MASTL: variants seen among roughly 807,000 people sequenced by gnomAD.
The protein encoded by MASTL is microtubule associated serine/threonine kinase like, also known as serine/threonine-protein kinase greatwall.
A neutral mutation model predicts 82.5 loss-of-function variants in MASTL; 54 were observed. That is an observed-to-expected ratio of 0.65 (90% CI 0.53 to 0.82). The LOEUF (loss-of-function observed/expected upper bound fraction) is 0.82, where lower values mean the gene tolerates loss of function less well. MASTL is among the 40% of genes least tolerant of loss of function. The pLI is 0.00. For synonymous variants in MASTL, 323 were observed against 368.9 expected (o/e 0.88, Z 1.43); for missense variants, 950 against 1,047.8 (o/e 0.91, Z 1.29).
rs894580589 is a variant in MASTL at position 27,159,364 on chromosome 10, C to G, written c.325-255C>G. 6.6e-5 allele frequency among the ~76,000 whole-genome samples: 10 copies of G among 152,174 alleles called. No individual in the cohort carries two copies. The highest frequency in any genetic ancestry group is 1.7e-4 in the African/African-American group (7 of 41,450). On this transcript the variant is annotated intron_variant, in intron 2 of 11. Transcript: ENST00000375940. The surrounding 1 kb of genome is among the most constrained non-coding windows in gnomAD (Gnocchi z 4.0). The stretch of plus-strand genomic sequence containing the variant: ...TCTCGAACTCCTGGCCTCAAGTGAT[C>G]TGCCCATCTTGGCCTCCCAAAGTGC...
chr10:27,167,249 G>T lies in MASTL; in HGVS notation c.959G>T (p.Ser320Ile). The change falls in exon 7 of 12, where the codon AGT (serine) becomes ATT (isoleucine). Residue 320 changes from serine to isoleucine, a missense_variant. Transcript: ENST00000375940. ...AGTGTGGAATCAGAATGCCACAGCA[G>T]TCCCAAATGGGAAAAAGATTGCCAG... ...ISSVESECHS[S>I]PKWEKDCQES... 1 of 1,614,068 alleles carries T rather than the reference G, an allele frequency of 6.2e-7. No individual in the cohort carries two copies. Among genetic ancestry groups the T allele is most frequent in the Non-Finnish European group, 8.5e-7 (1 of 1,179,952 alleles).
chr10:27,180,909 G>A lies in MASTL; in HGVS notation c.2267-44G>A, dbSNP rs150874238. The A allele has an allele frequency of 3.4e-4, 417 of 1,217,588 alleles. 2 individuals are homozygous for A. The African/African-American group carries it at 5.6e-3, about 16-fold the overall frequency. 75.4% of individuals were successfully genotyped at this position (1,217,588 alleles called of 1,614,324 possible). A position where few individuals can be genotyped will look rare whatever the true frequency, so the allele number is the denominator to read the frequency against. On this transcript the variant is annotated intron_variant, in intron 9 of 11. Transcript: ENST00000375940. ...TAATATTTCTGTTCATCAAATATTT[G>A]TAGAGAATGCTTGCAACTTTAGCTG...
intron 9 of MASTL, among the ~76,000 whole-genome samples, chr10:27,180,248 A>G (rs1460997362): frequency 6.6e-6 from 1 of 152,266 alleles, no homozygotes; most frequent in Non-Finnish European, 1.5e-5. Flanking sequence ...GTAACGAGCA[A>G]GTCACCAAGA....
intron 8 of MASTL, among the ~76,000 whole-genome samples, chr10:27,171,631 C>T (rs989818725): frequency 6.6e-6 from 1 of 151,082 alleles, no homozygotes; most frequent in Non-Finnish European, 1.5e-5. Flanking sequence ...CGGAATTTCA[C>T]CATGTTGCCC....
chr10:27,161,221 C>G, intron 4 of MASTL, 39 bp downstream of exon 4: 1 of 1,235,076 alleles, frequency 8.1e-7, no homozygotes, highest in Non-Finnish European at 1.2e-6. Context: ...TTAAAACATC[C>G]AACAGGCCAG....
Position 27,167,195 on chromosome 10 carries a change from C to G in MASTL, c.905C>G (p.Ala302Gly). 6.2e-7 allele frequency: 1 copy of G among 1,613,856 alleles called. No individual in the cohort carries two copies. Among genetic ancestry groups the G allele is most frequent in the Non-Finnish European group, 8.5e-7 (1 of 1,179,768 alleles). The change falls in exon 7 of 12, where the codon GCC becomes GGC. Residue 302 changes from alanine to glycine, a missense_variant. Physicochemically the swap from Ala to Gly is moderately conservative, Grantham distance 60. Coordinates refer to ENST00000375940, the MANE Select transcript of MASTL (RefSeq NM_001172303.3). ...QSRKRLATSS[A>G]SSQSHTFISS... ...AGGAAAAGGCTGGCCACATCCAGTGCCAGTAGTCAATCCCACACCTTCATA... is the reference window on the plus strand; with the variant it reads ...AGGAAAAGGCTGGCCACATCCAGTGGCAGTAGTCAATCCCACACCTTCATA...
chr10:27,155,342 G>C (rs1353850537), upstream of MASTL: 3 of 1,380,580 alleles, frequency 2.2e-6, no homozygotes, highest in African/African-American at 2.9e-5. Context: ...CGCGGCGTGG[G>C]CGGAGCCTCA....
chr10:27,155,232 GGCT>G (rs989900527), upstream of MASTL: 5 of 614,190 alleles, frequency 8.1e-6, no homozygotes, highest in African/African-American at 9.3e-5. Context: ...AAGAGTGTAA[GGCT>G]GCGAAGTCGG....
At chr10:27,168,595 T>A (rs2057813543) in intron 7 of MASTL, among the ~76,000 whole-genome samples, 1 of 152,184 alleles carries the variant, frequency 6.6e-6, no homozygotes, top group South Asian at 2.1e-4. Context: ...AGTGGGTAGA[T>A]CACCTGAGGT....
rs2135998742 is a variant in MASTL, at chr10:27,163,036, C to G, written c.553+1854C>G. 2.0e-5 allele frequency among the ~76,000 whole-genome samples: 3 copies of G among 152,104 alleles called. No homozygotes were observed. The South Asian group carries it at 6.2e-4, about 32-fold the overall frequency. On this transcript the variant is annotated intron_variant, in intron 4 of 11. Coordinates refer to ENST00000375940, the MANE Select transcript of MASTL (RefSeq NM_001172303.3). ...GGTTCAAGCAATTCTCCTGCCTCAG[C>G]CTTCTGAGTAGCTGGGATTATAGGT...
chr10:27,157,111 G>A (rs2057418266), intron 1 of MASTL, among the ~76,000 whole-genome samples: 1 of 151,978 alleles, frequency 6.6e-6, no homozygotes, highest in Admixed American at 6.6e-5. Flanking sequence ...CCTTATGCTG[G>A]TTCCTTTTTA....
In MASTL at chr10:27,170,840, T is replaced by C. The variant is rs768411117; in HGVS notation, c.1881T>C (p.Ala627=). Residue 627 remains alanine, a synonymous_variant, in exon 8 of 12, where the codon GCT becomes GCC. Transcript: ENST00000375940. ...CACCAAAAGGTGTCGAGAACCCTGC[T>C]GTACAAGAGAGTAACCAAAAAATGT... ...KTSPKGVENP[A]VQESNQKMLG... 7.4e-6 allele frequency: 12 copies of C among 1,614,196 alleles called. No individual in the cohort carries two copies. In the East Asian group the frequency reaches 1.8e-4, roughly 24 times the overall value.
chr10:27,183,269 T>TTTGTTG (rs4018758), intron 11 of MASTL, among the ~76,000 whole-genome samples: 22 of 150,302 alleles, frequency 1.5e-4, no homozygotes, highest in African/African-American at 3.6e-4. Flanking sequence ...TTAAAATTCT[T>TTTGTTG]TTGTTGTTGT....
chr10:27,167,471 A>C (rs1268088091), intron 7 of MASTL, among the ~76,000 whole-genome samples, 197 bp downstream of exon 7: 1 of 152,180 alleles, frequency 6.6e-6, no homozygotes, highest in Admixed American at 6.6e-5. Context: ...TTCAATTGTG[A>C]CATTGTTCTT....
upstream of MASTL, chr10:27,154,577 T>C (rs1156707319): frequency 2.6e-6 from 1 of 380,006 alleles, no homozygotes; most frequent in East Asian, 3.8e-5. Context: ...TCTTCGTTTT[T>C]TTTTTTTTTG....
chr10:27,181,328 T>C (rs2058288944), intron 10 of MASTL, 152 bp from the exon 11 acceptor site: 1 of 639,676 alleles, frequency 1.6e-6, no homozygotes, highest in Admixed American at 2.4e-5. Context: ...GAGGTGGAGG[T>C]TGCAGTGAGC....
intron 11 of MASTL, among the ~76,000 whole-genome samples, chr10:27,183,087 T>G (rs2058420178): frequency 6.6e-6 from 1 of 152,232 alleles, no homozygotes; most frequent in South Asian, 2.1e-4. Flanking sequence ...AGAGAGATGT[T>G]CTGTAATTTC....
intron 11 of MASTL, among the ~76,000 whole-genome samples, chr10:27,182,263 C>T (rs1191682726): frequency 7.2e-6 from 1 of 138,008 alleles, no homozygotes; most frequent in African/African-American, 2.7e-5. Flanking sequence ...AAAAAAAAAT[C>T]AAGTTCCAAT....
intron 4 of MASTL, among the ~76,000 whole-genome samples, chr10:27,161,431 C>G (rs111706985): frequency 3.9e-5 from 6 of 151,992 alleles, no homozygotes; most frequent in African/African-American, 1.4e-4. Context: ...ATCACTTGAA[C>G]CCAGGAGATG....
Sources: gnomAD v4.1 joint callset for allele counts (sites outside exome capture counted in the v4.1 genomes callset) on GRCh38, gnomAD v4.1.1 for gene constraint, Gnocchi (gnomAD v3.1) non-coding constraint, MANE v1.5 for transcripts, NCBI Gene and HGNC (gene_info 2026-07-23, HGNC 2026-07-21) for gene names.